Variants in NMT2 observed in about 807,000 individuals in gnomAD.
NMT2 encodes N-myristoyltransferase 2.
Under a neutral mutation model 65.4 loss-of-function variants are expected in NMT2, and 35 were observed. That is an observed-to-expected ratio of 0.54 (90% CI 0.41 to 0.71). The LOEUF (loss-of-function observed/expected upper bound fraction) is 0.71. Among genes scored for constraint, NMT2 ranks in the 30% least tolerant of loss-of-function variants. The probability of loss-of-function intolerance (pLI) is 0.00; values close to 1 mark genes in which losing one functional copy is unlikely to be tolerated. For missense variants in NMT2, 489 were observed against 611.3 expected, an observed-to-expected ratio of 0.80 and a Z score of 2.11; for synonymous variants, 226 against 231.8, an observed-to-expected ratio of 0.98 and a Z score of 0.23.
intron 1 of NMT2, among the ~76,000 whole-genome samples, chr10:15,158,925 C>CA (rs1564592294): frequency 1.3e-5 from 2 of 152,278 alleles, no homozygotes; most frequent in Non-Finnish European, 2.9e-5. Context: ...ATTTACCCCC[C>CA]AAAGGTGCCA....
chr10:15,111,795 TTTTTA>T (rs1282659531), intron 10 of NMT2: 6 of 151,492 alleles, frequency 4.0e-5, no homozygotes, highest in African/African-American at 9.7e-5. Flanking sequence ...AGGTAAGAGA[TTTTTA>T]TTTTATTTTA....
rs1308129288 is a variant in NMT2, at chr10:15,135,335, G to A, written c.330C>T (p.Asn110=). The A allele has an allele frequency of 6.2e-7, 1 of 1,614,154 alleles. No individual in the cohort carries two copies. The highest frequency in any genetic ancestry group is 8.5e-7 in the Non-Finnish European group (1 of 1,180,014). Residue 110 remains asparagine, a synonymous_variant, in exon 3 of 12, where the codon AAC becomes AAT. Coordinates refer to ENST00000378165, the MANE Select transcript of NMT2 (RefSeq NM_004808.3). The part of the protein sequence containing the change: ...LLSACQGPAR[N]IDEAAKHRYQ... ...ATCTGTGCTTTGCAGCCTCATCAATGTTCCTGGCTGGGCCCTGGCATGCGG... is the reference window on the plus strand; with the variant it reads ...ATCTGTGCTTTGCAGCCTCATCAATATTCCTGGCTGGGCCCTGGCATGCGG...
intron 1 of NMT2, among the ~76,000 whole-genome samples, chr10:15,162,705 G>T (rs557944947): frequency 6.6e-6 from 1 of 151,110 alleles, no homozygotes; most frequent in African/African-American, 2.4e-5. Flanking sequence ...GGGAAATAAG[G>T]TGACCAGGGG....
At chr10:15,109,868 A>G in intron 10 of NMT2, 29 bp from the exon 11 acceptor site, 1 of 1,572,152 alleles carries the variant, frequency 6.4e-7, no homozygotes, top group Non-Finnish European at 8.7e-7. Flanking sequence ...TTTAAAATTT[A>G]AAACAAAGGA....
chr10:15,108,877 A>G lies in NMT2; in HGVS notation c.*318T>C, dbSNP rs780273712. On this transcript the variant is annotated 3_prime_UTR_variant, in exon 12 of 12. Transcript: ENST00000378165. Reference sequence around the variant, plus strand: ...TGACTCTGTAACTTCTACTTAGTCCATAGAAAAACAGTCCCTTTTCTAAGG... The same window carrying G: ...TGACTCTGTAACTTCTACTTAGTCCGTAGAAAAACAGTCCCTTTTCTAAGG... The G allele has an allele frequency of 6.2e-6, 7 of 1,122,422 alleles. No homozygotes were observed. Among genetic ancestry groups the G allele is most frequent in the Non-Finnish European group, 7.6e-6 (7 of 918,298 alleles). The allele number at this position is 1,122,422 out of a possible 1,614,324, so 69.5% of individuals were successfully genotyped here. A position where few individuals can be genotyped will look rare whatever the true frequency, so the allele number is the denominator to read the frequency against.
At chr10:15,109,658 G>C in intron 11 of NMT2, 44 bp downstream of exon 11, 1 of 1,468,908 alleles carries the variant, frequency 6.8e-7, no homozygotes, top group Non-Finnish European at 9.1e-7. Flanking sequence ...AAATTGTCTA[G>C]GTACATTTGT....
chr10:15,167,191 A>T (rs202088561), intron 1 of NMT2, among the ~76,000 whole-genome samples: 6 of 146,078 alleles, frequency 4.1e-5, no homozygotes, highest in South Asian at 2.1e-4. Flanking sequence ...TAAAAAAAAA[A>T]ATATTCTAGA....
chr10:15,112,987 C>T lies in NMT2; in HGVS notation c.1171-24G>A, dbSNP rs1845616113. The T allele has an allele frequency of 3.1e-6, 5 of 1,612,126 alleles. No homozygotes were observed. The East Asian group carries it at 1.1e-4, about 36-fold the overall frequency. ...CTCTAGGAGCAAAAGTGCTGTCAGA[C>T]AGAGATCTCCTTGAACCAACTGCAT... On this transcript the variant is annotated intron_variant, in intron 9 of 11. Coordinates refer to ENST00000378165, the MANE Select transcript of NMT2 (RefSeq NM_004808.3).
chr10:15,115,482 A>G (rs1251162134), intron 9 of NMT2, among the ~76,000 whole-genome samples: 1 of 152,230 alleles, frequency 6.6e-6, no homozygotes, highest in African/African-American at 2.4e-5. Context: ...ATAAAACAGT[A>G]TCCTAAAATA....
At position 15,168,535 on chromosome 10, in the gene NMT2, C is replaced by G; in HGVS notation, c.78G>C (p.Gly26=). Reference sequence around the variant, plus strand: ...CGTGCTCCGTCTCCTCCTCATTGTCCCCGTCTATCCCGCACGTGTCCTGGT... The same window carrying G: ...CGTGCTCCGTCTCCTCCTCATTGTCGCCGTCTATCCCGCACGTGTCCTGGT... ...LDDQDTCGID[G]DNEEETEHAK... Residue 26 remains glycine, a synonymous_variant, in exon 1 of 12, where the codon GGG becomes GGC. Transcript: ENST00000378165. 6.3e-7 allele frequency: 1 copy of G among 1,592,924 alleles called. No individual in the cohort carries two copies.
At chr10:15,142,361 C>T (rs974689498) in intron 1 of NMT2, among the ~76,000 whole-genome samples, 4 of 152,110 alleles carry the variant, frequency 2.6e-5, no homozygotes, top group African/African-American at 9.6e-5. Flanking sequence ...AGTTCAAGAC[C>T]AGCCTGGGCA....
intron 1 of NMT2, among the ~76,000 whole-genome samples, chr10:15,150,826 T>G (rs1832776168): frequency 1.3e-5 from 2 of 152,160 alleles, no homozygotes; most frequent in Non-Finnish European, 2.9e-5. Flanking sequence ...AGACAATGGC[T>G]GAACAATACG....
At chr10:15,116,126 T>C (rs1845736420) in intron 9 of NMT2, among the ~76,000 whole-genome samples, 1 of 152,230 alleles carries the variant, frequency 6.6e-6, no homozygotes, top group South Asian at 2.1e-4. Flanking sequence ...CGTAGTGGTA[T>C]ACACGTTTCA....
chr10:15,112,733 C>T (rs1328869657), intron 10 of NMT2, 63 bp downstream of exon 10: 27 of 1,478,352 alleles, frequency 1.8e-5, no homozygotes, highest in African/African-American at 2.8e-5. Flanking sequence ...AGTAAGATGT[C>T]TTCTATAGTT....
rs1845341489 is a variant in NMT2 at position 15,107,376 on chromosome 10, G to A, written c.*1819C>T. On this transcript the variant is annotated 3_prime_UTR_variant, in exon 12 of 12. Transcript: ENST00000378165. ...GTTTCACTGGACTCATAACTTGAAG[G>A]AAATGCCATCATGTCTAAAACAATT... 14 of 985,446 alleles carry A rather than the reference G, an allele frequency of 1.4e-5. No homozygotes were observed. The highest frequency in any genetic ancestry group is 1.7e-5 in the Non-Finnish European group (14 of 829,936). The allele number at this position is 985,446 out of a possible 1,614,324, so 61.0% of individuals were successfully genotyped here.
chr10:15,147,076 C>T (rs1344938512), intron 1 of NMT2, among the ~76,000 whole-genome samples: 17 of 107,048 alleles, frequency 1.6e-4, no homozygotes, highest in South Asian at 3.0e-4. Context: ...TGGGCAACAG[C>T]GAAAGATCCT....
chr10:15,168,452 G>A (rs1833451649), intron 1 of NMT2, 51 bp downstream of exon 1: 1 of 1,379,288 alleles, frequency 7.3e-7, no homozygotes, highest in South Asian at 1.2e-5. Flanking sequence ...AGACCGTGGC[G>A]CGCGCGGTCC....
Position 15,135,310 on chromosome 10 carries a change from A to T in NMT2, c.355T>A (p.Tyr119Asn). 1.2e-6 allele frequency: 2 copies of T among 1,614,170 alleles called. No homozygotes were observed. The highest frequency in any genetic ancestry group is 1.7e-6 in the Non-Finnish European group (2 of 1,180,042). The change falls in exon 3 of 12, where the codon TAC (tyrosine) becomes AAC (asparagine). Residue 119 changes from tyrosine (Y) to asparagine (N), a missense_variant. Coordinates refer to ENST00000378165, the MANE Select transcript of NMT2 (RefSeq NM_004808.3). The part of the protein sequence containing the change: ...RNIDEAAKHR[Y>N]QFWDTQPVPK... Reference sequence around the variant, plus strand: ...ACCGGTTGTGTGTCCCAAAACTGGTATCTGTGCTTTGCAGCCTCATCAATG... The same window carrying T: ...ACCGGTTGTGTGTCCCAAAACTGGTTTCTGTGCTTTGCAGCCTCATCAATG...
At chr10:15,111,262 G>A (rs1418927983) in intron 10 of NMT2, among the ~76,000 whole-genome samples, 2 of 151,710 alleles carry the variant, frequency 1.3e-5, no homozygotes, top group Non-Finnish European at 2.9e-5. Context: ...TGTAATCCCC[G>A]CACTTTGGGA....
Sources: allele counts gnomAD v4.1 joint callset (sites outside exome capture counted in the v4.1 genomes callset), GRCh38; gene constraint gnomAD v4.1.1; transcripts MANE v1.5; gene names NCBI Gene and HGNC (gene_info 2026-07-23, HGNC 2026-07-21).